Variants in UVRAG observed in about 807,000 individuals in gnomAD.
UVRAG encodes the protein UV radiation resistance associated, also known as UV radiation resistance-associated gene protein.
UVRAG carries 19 observed loss-of-function variants against 78.0 expected under a neutral mutation model. The observed-to-expected ratio is 0.24, with a 90% CI of 0.17 to 0.36. The LOEUF (loss-of-function observed/expected upper bound fraction) is 0.36. Among genes scored for constraint, UVRAG ranks in the 10% least tolerant of loss-of-function variants. The pLI is 1.00. For synonymous variants in UVRAG, 323 were observed against 324.6 expected (o/e 1.00, Z 0.05); for missense variants, 740 against 853.8 (o/e 0.87, Z 1.66).
At chr11:76,086,375 A>G (rs746671973) in intron 13 of UVRAG, among the ~76,000 whole-genome samples, 11 of 152,246 alleles carry the variant, frequency 7.2e-5, no homozygotes. Context: ...GGAGACATGA[A>G]TCCAGGAAAC....
At chr11:75,956,380 A>G (rs115331139) in intron 6 of UVRAG, among the ~76,000 whole-genome samples, 3,271 of 146,550 alleles carry the variant, frequency 0.022, 134 homozygotes, top group African/African-American at 0.078. Context: ...AGTAATTGCA[A>G]TTCTTGCCTT....
At position 75,947,534 on chromosome 11, in the gene UVRAG, G is replaced by T. The variant is rs114763372; in HGVS notation, c.594-13910G>T. 9.1e-3 allele frequency among the ~76,000 whole-genome samples: 1,383 copies of T among 152,232 alleles called. 22 individuals are homozygous for T. Among genetic ancestry groups the T allele is most frequent in the African/African-American group, 0.032 (1,330 of 41,534 alleles). On this transcript the variant is annotated intron_variant, in intron 6 of 14. Coordinates refer to ENST00000356136, the MANE Select transcript of UVRAG (RefSeq NM_003369.4). ...ACAGCAACCTGATATATAAGGGGAG[G>T]AATACTGAGCTTGGACACATATATT...
At chr11:76,052,666 C>T (rs372696451) in intron 12 of UVRAG, among the ~76,000 whole-genome samples, 1 of 152,190 alleles carries the variant, frequency 6.6e-6, no homozygotes, top group African/African-American at 2.4e-5. Context: ...GTCCTTCTTA[C>T]ATTAGCAGTT....
chr11:76,051,052 G>C (rs779715813), intron 12 of UVRAG, among the ~76,000 whole-genome samples: 16 of 152,100 alleles, frequency 1.1e-4, no homozygotes, highest in Non-Finnish European at 1.6e-4. Flanking sequence ...CACTGTATAA[G>C]GAAGCAATTT....
intron 7 of UVRAG, among the ~76,000 whole-genome samples, chr11:75,963,777 A>C (rs1237691005): frequency 1.3e-5 from 2 of 152,132 alleles, no homozygotes; most frequent in African/African-American, 2.4e-5. Context: ...TTTATTTCTT[A>C]TGAAATTTCT....
chr11:75,856,401 T>C (rs1053475205), intron 2 of UVRAG, among the ~76,000 whole-genome samples: 1 of 152,162 alleles, frequency 6.6e-6, no homozygotes, highest in African/African-American at 2.4e-5. Flanking sequence ...GAAGATGAAC[T>C]CTATATTACT....
chr11:76,061,278 A>G (rs1033278281), intron 12 of UVRAG, among the ~76,000 whole-genome samples: 1 of 152,126 alleles, frequency 6.6e-6, no homozygotes, highest in African/African-American at 2.4e-5. Context: ...TGTCTAGCTC[A>G]GGGATTGTAA....
chr11:75,924,382 T>A (rs1019006785), intron 6 of UVRAG, among the ~76,000 whole-genome samples: 1 of 151,928 alleles, frequency 6.6e-6, no homozygotes, highest in Non-Finnish European at 1.5e-5. Context: ...CATTGTGTTT[T>A]TTTTTGTTTT....
At chr11:75,944,065 T>C (rs1415185637) in intron 6 of UVRAG, among the ~76,000 whole-genome samples, 1 of 152,194 alleles carries the variant, frequency 6.6e-6, no homozygotes, top group Non-Finnish European at 1.5e-5. Flanking sequence ...CTGCCTCTCA[T>C]GATATTGCTC....
chr11:76,011,404 A>G (rs765640660), intron 11 of UVRAG, among the ~76,000 whole-genome samples: 1 of 152,152 alleles, frequency 6.6e-6, no homozygotes, highest in African/African-American at 2.4e-5. Context: ...TGTGCAGATC[A>G]TTTGAGGTCA....
At chr11:75,827,865 A>T (rs1464682020) in intron 1 of UVRAG, among the ~76,000 whole-genome samples, 1 of 152,238 alleles carries the variant, frequency 6.6e-6, no homozygotes, top group African/African-American at 2.4e-5. Context: ...ATACAAAATA[A>T]AAATAATCTT....
chr11:76,103,590 TA>T (rs1358500147), intron 13 of UVRAG, among the ~76,000 whole-genome samples: 1 of 149,644 alleles, frequency 6.7e-6, no homozygotes, highest in Non-Finnish European at 1.5e-5. Flanking sequence ...CCAGAGAGAC[TA>T]AACAGTGGAC....
chr11:75,930,934 T>TCTTTCTTTCTTC (rs1491343065), intron 6 of UVRAG: 1 of 131,358 alleles, frequency 7.6e-6, no homozygotes, highest in African/African-American at 3.2e-5. Flanking sequence ...GGATTTTCTT[T>TCTTTCTTTCTTC]CTTTCTTTCT....
At chr11:75,843,724 C>T (rs931530105) in intron 1 of UVRAG, among the ~76,000 whole-genome samples, 8 of 152,014 alleles carry the variant, frequency 5.3e-5, no homozygotes, top group African/African-American at 1.7e-4. Flanking sequence ...TTTGGGAGGC[C>T]GAGGTGGGTG....
chr11:76,108,701 C>G (rs1444156512), intron 13 of UVRAG, among the ~76,000 whole-genome samples: 2 of 152,150 alleles, frequency 1.3e-5, no homozygotes, highest in African/African-American at 4.8e-5. Flanking sequence ...CTGTTGTGGT[C>G]TGAATGTACT....
At chr11:75,825,982 G>A (rs1301257523) in intron 1 of UVRAG, among the ~76,000 whole-genome samples, 1 of 151,670 alleles carries the variant, frequency 6.6e-6, no homozygotes, top group Non-Finnish European at 1.5e-5. Flanking sequence ...GATTACAGGC[G>A]CCTGCCAGCA....
At chr11:75,975,040 T>G (rs1949207667) in intron 7 of UVRAG, among the ~76,000 whole-genome samples, 1 of 152,224 alleles carries the variant, frequency 6.6e-6, no homozygotes, top group Non-Finnish European at 1.5e-5. Flanking sequence ...TAATCCGTCT[T>G]GAATTAATTT....
intron 6 of UVRAG, among the ~76,000 whole-genome samples, chr11:75,920,267 C>G (rs1947952275): frequency 6.6e-6 from 1 of 151,584 alleles, no homozygotes; most frequent in Non-Finnish European, 1.5e-5. Context: ...CCTCGTGATC[C>G]ACCTGCCCCG....
chr11:75,925,596 T>C (rs1462947701), intron 6 of UVRAG, among the ~76,000 whole-genome samples: 1 of 152,222 alleles, frequency 6.6e-6, no homozygotes, highest in Non-Finnish European at 1.5e-5. Context: ...GGGTCTTTCA[T>C]TCGTTGAGAA....
Sources: allele counts gnomAD v4.1 joint callset (sites outside exome capture counted in the v4.1 genomes callset), GRCh38; gene constraint gnomAD v4.1.1; transcripts MANE v1.5; gene names NCBI Gene and HGNC (gene_info 2026-07-23, HGNC 2026-07-21).